Variants in BRD7 observed in about 807,000 individuals in gnomAD.
BRD7 encodes the protein bromodomain-containing protein 7.
BRD7 carries 15 observed loss-of-function variants against 82.1 expected under a neutral mutation model. The ratio of observed to expected loss-of-function variants is 0.18; its 90% CI spans 0.12 to 0.28. The LOEUF is 0.28. Among genes scored for constraint, BRD7 ranks in the 10% least tolerant of loss-of-function variants. The probability of loss-of-function intolerance (pLI) is 1.00; values close to 1 mark genes in which losing one functional copy is unlikely to be tolerated. For synonymous variants in BRD7, 232 were observed against 266.9 expected (o/e 0.87, Z 1.27); for missense variants, 638 against 779.9 (o/e 0.82, Z 2.17).
intron 2 of BRD7, among the ~76,000 whole-genome samples, chr16:50,356,715 A>G (rs537420941): frequency 0.018 from 1,268 of 71,854 alleles, 21 homozygotes; most frequent in African/African-American, 0.057. Flanking sequence ...TCCTTAGGGG[A>G]AAAAAAAAAT....
At chr16:50,338,428 C>T (rs4430736) in intron 6 of BRD7, among the ~76,000 whole-genome samples, 1 of 152,226 alleles carries the variant, frequency 6.6e-6, no homozygotes, top group Non-Finnish European at 1.5e-5. Flanking sequence ...CATACAGACA[C>T]TCAGACATCT....
rs115671212 is a variant in BRD7 at position 50,328,049 on chromosome 16, T to C, written c.1087+620A>G. On this transcript the variant is annotated intron_variant, in intron 9 of 16. Coordinates refer to ENST00000394688, the MANE Select transcript of BRD7 (RefSeq NM_013263.5). Reference sequence around the variant, plus strand: ...AAATTAACATTCTCACATTTGCATATCTCAATACATGATTCTCTCCTCAGA... The same window carrying C: ...AAATTAACATTCTCACATTTGCATACCTCAATACATGATTCTCTCCTCAGA... 9.8e-4 allele frequency among the ~76,000 whole-genome samples: 149 copies of C among 152,364 alleles called. 1 individual carries two copies. The highest frequency in any genetic ancestry group is 3.4e-3 in the African/African-American group (143 of 41,584).
chr16:50,325,427 A>C (rs2037294890), intron 11 of BRD7, among the ~76,000 whole-genome samples: 1 of 152,140 alleles, frequency 6.6e-6, no homozygotes, highest in African/African-American at 2.4e-5. Flanking sequence ...ACTGACACAC[A>C]ACATGTTATA....
chr16:50,351,042 T>TC (rs1200711030), intron 4 of BRD7, among the ~76,000 whole-genome samples: 1 of 152,230 alleles, frequency 6.6e-6, no homozygotes, highest in Non-Finnish European at 1.5e-5. Context: ...TAATTTTTTT[T>TC]CCCTCTGGAA....
At chr16:50,362,203 C>A (rs886979623) in intron 2 of BRD7, among the ~76,000 whole-genome samples, 11 of 152,306 alleles carry the variant, frequency 7.2e-5, no homozygotes, top group African/African-American at 2.6e-4. Context: ...CATGTACTCT[C>A]AGGAGCCTCA....
At chr16:50,323,825 C>T (rs1055771857) in intron 11 of BRD7, 127 bp from the exon 12 acceptor site, 10 of 643,258 alleles carry the variant, frequency 1.6e-5, no homozygotes, top group Admixed American at 2.6e-5. Flanking sequence ...TGCCTAGACA[C>T]AACATGGTAT....
At chr16:50,356,737 T>C (rs58392754) in intron 2 of BRD7, among the ~76,000 whole-genome samples, 28,393 of 146,628 alleles carry the variant, frequency 0.19, 2,863 homozygotes, top group South Asian at 0.27. Context: ...TATATATATA[T>C]ATACACACAC....
At chr16:50,359,263 A>C (rs1293716529) in intron 2 of BRD7, among the ~76,000 whole-genome samples, 1 of 152,238 alleles carries the variant, frequency 6.6e-6, no homozygotes, top group Non-Finnish European at 1.5e-5. Context: ...CTAGTAGGTG[A>C]CAAAGCTATG....
At chr16:50,344,950 C>T (rs1291942549) in intron 5 of BRD7, among the ~76,000 whole-genome samples, 3 of 152,060 alleles carry the variant, frequency 2.0e-5, no homozygotes, top group Admixed American at 6.6e-5. Context: ...AGAGCAACTC[C>T]AAGACACATA....
intron 2 of BRD7, among the ~76,000 whole-genome samples, chr16:50,361,603 A>G (rs1235919271): frequency 1.3e-5 from 2 of 152,160 alleles, no homozygotes; most frequent in African/African-American, 4.8e-5. Flanking sequence ...TCTCCATTCA[A>G]TATTTGTTAG....
chr16:50,361,005 A>C (rs2038915843), intron 2 of BRD7, among the ~76,000 whole-genome samples: 1 of 152,132 alleles, frequency 6.6e-6, no homozygotes, highest in Non-Finnish European at 1.5e-5. Flanking sequence ...CAGAATTCTC[A>C]CTTTGCTTAA....
chr16:50,351,076 T>C (rs2038502856), intron 4 of BRD7, among the ~76,000 whole-genome samples: 1 of 152,240 alleles, frequency 6.6e-6, no homozygotes, highest in Admixed American at 6.5e-5. Context: ...AAAGTTTTCT[T>C]ACTCCACAGA....
chr16:50,320,623 A>G, intron 14 of BRD7, 40 bp downstream of exon 14: 1 of 1,486,034 alleles, frequency 6.7e-7, no homozygotes, highest in Non-Finnish European at 9.4e-7. Context: ...GACTGCCTAC[A>G]TCATGCAGTG....
intron 2 of BRD7, among the ~76,000 whole-genome samples, chr16:50,361,201 G>C (rs1223941999): frequency 2.0e-5 from 3 of 152,206 alleles, no homozygotes; most frequent in African/African-American, 7.2e-5. Flanking sequence ...TGTTAGTTAT[G>C]AGTCTGCCTC....
intron 5 of BRD7, among the ~76,000 whole-genome samples, chr16:50,344,632 G>A (rs1454966775): frequency 2.0e-5 from 3 of 152,214 alleles, no homozygotes; most frequent in Non-Finnish European, 2.9e-5. Context: ...ACAAGTTTCA[G>A]TAGCCGATTT....
chr16:50,325,737 T>G lies in BRD7; in HGVS notation c.1331+11A>C. ...AAACAAATGTAATCAGAATATTAAC[T>G]GGAAACTCACCTGAAATCACTTGGA... On this transcript the variant is annotated intron_variant, in intron 11 of 16. Coordinates refer to ENST00000394688, the MANE Select transcript of BRD7 (RefSeq NM_013263.5). 2 of 1,587,054 alleles carry G rather than the reference T, an allele frequency of 1.3e-6. No homozygotes were observed. Among genetic ancestry groups the G allele is most frequent in the Non-Finnish European group, 1.7e-6 (2 of 1,170,928 alleles).
At chr16:50,330,763 T>C (rs2037531279) in intron 8 of BRD7, among the ~76,000 whole-genome samples, 1 of 152,228 alleles carries the variant, frequency 6.6e-6, no homozygotes, top group African/African-American at 2.4e-5. Flanking sequence ...AAATGCCCTT[T>C]AGTTCACACA....
chr16:50,321,926 C>G, intron 13 of BRD7, 56 bp downstream of exon 13: 2 of 1,513,546 alleles, frequency 1.3e-6, no homozygotes, highest in Non-Finnish European at 1.8e-6. Flanking sequence ...CAAGACTTCT[C>G]TTACTCCCCT....
At chr16:50,319,421 T>C (rs749327681) in intron 16 of BRD7, among the ~76,000 whole-genome samples, 155 bp from the exon 17 acceptor site, 57 of 152,254 alleles carry the variant, frequency 3.7e-4, no homozygotes, top group Non-Finnish European at 7.6e-4. Flanking sequence ...CAGGTGATCA[T>C]TGTGGCTCTT....
Sources: gnomAD v4.1 joint callset for allele counts (sites outside exome capture counted in the v4.1 genomes callset) on GRCh38, gnomAD v4.1.1 for gene constraint, MANE v1.5 for transcripts, NCBI Gene and HGNC (gene_info 2026-07-23, HGNC 2026-07-21) for gene names.